CACNG3: variants seen among roughly 807,000 people sequenced by gnomAD.
CACNG3 encodes the protein voltage-dependent calcium channel gamma-3 subunit.
In CACNG3, 3 loss-of-function variants were observed where a neutral mutation model predicts 28.5. That is an observed-to-expected ratio of 0.11 (90% CI 0.05 to 0.27). The LOEUF is 0.27. CACNG3 is among the 10% of genes least tolerant of loss of function. CACNG3 has a pLI of 1.00. For missense variants in CACNG3, 236 were observed against 414.4 expected, an observed-to-expected ratio of 0.57 and a Z score of 3.74; for synonymous variants, 174 against 162.2, an observed-to-expected ratio of 1.07 and a Z score of -0.55.
intron 1 of CACNG3, among the ~76,000 whole-genome samples, chr16:24,265,350 GGAAA>G (rs3060119): frequency 1.3e-4 from 18 of 138,812 alleles, no homozygotes; most frequent in African/African-American, 1.9e-4. Context: ...GAAAGAAAAA[GGAAA>G]GAAAGAAAGA....
intron 1 of CACNG3, among the ~76,000 whole-genome samples, chr16:24,346,467 A>G (rs1308264644): frequency 6.6e-6 from 1 of 152,208 alleles, no homozygotes; most frequent in African/African-American, 2.4e-5. Context: ...AGTCCCAGCT[A>G]CTTGGGAGGC....
intron 3 of CACNG3, among the ~76,000 whole-genome samples, chr16:24,356,045 G>A (rs985492097): frequency 3.3e-5 from 5 of 152,174 alleles, no homozygotes; most frequent in African/African-American, 7.2e-5. Context: ...CTGGTGTCCT[G>A]TCTTCCTTGC....
intron 1 of CACNG3, among the ~76,000 whole-genome samples, chr16:24,335,375 G>A (rs915173833): frequency 1.4e-4 from 21 of 152,130 alleles, no homozygotes; most frequent in African/African-American, 3.9e-4. Context: ...AGCCAAGATC[G>A]CGCCACTGCA....
Position 24,306,255 on chromosome 16 carries a change from G to A in CACNG3, c.212-40479G>A, listed in dbSNP as rs112790135. On this transcript the variant is annotated intron_variant, in intron 1 of 3. Transcript: ENST00000005284. ...TTTGACTGCAGCTTATATTTAGCCC[G>A]TTGGAAGCTCAGGGTTTCTATTCTT... 2.1e-3 allele frequency among the ~76,000 whole-genome samples: 315 copies of A among 152,306 alleles called. 1 individual carries two copies. The highest frequency in any genetic ancestry group is 6.4e-3 in the African/African-American group (264 of 41,574).
At chr16:24,290,752 T>C (rs938680365) in intron 1 of CACNG3, among the ~76,000 whole-genome samples, 1 of 152,136 alleles carries the variant, frequency 6.6e-6, no homozygotes, top group African/African-American at 2.4e-5. Context: ...GGGTTGTTTT[T>C]TTAGAGTAAA....
intron 1 of CACNG3, among the ~76,000 whole-genome samples, chr16:24,329,659 C>G (rs978852948): frequency 2.0e-5 from 3 of 152,072 alleles, no homozygotes; most frequent in African/African-American, 7.2e-5. Flanking sequence ...ACATTAGGGT[C>G]AAAAATAATA....
intron 1 of CACNG3, among the ~76,000 whole-genome samples, chr16:24,282,192 G>T (rs1250575202): frequency 6.6e-6 from 1 of 152,198 alleles, no homozygotes. Context: ...GGAAATGGAG[G>T]TTCAGGTTGA....
chr16:24,326,433 A>C (rs995290719), intron 1 of CACNG3, among the ~76,000 whole-genome samples: 2 of 152,084 alleles, frequency 1.3e-5, no homozygotes, highest in Non-Finnish European at 2.9e-5. Context: ...GGCCTCCCAA[A>C]GTGCTGGGAT....
intron 1 of CACNG3, among the ~76,000 whole-genome samples, chr16:24,318,004 C>T (rs1899409944): frequency 2.0e-5 from 3 of 152,158 alleles, no homozygotes; most frequent in Admixed American, 6.5e-5. Context: ...AGCCCAGATG[C>T]CCCTTCTCTG....
At chr16:24,345,793 G>A (rs1005826919) in intron 1 of CACNG3, among the ~76,000 whole-genome samples, 2 of 152,190 alleles carry the variant, frequency 1.3e-5, no homozygotes, top group African/African-American at 4.8e-5. Flanking sequence ...CTCATAGCGA[G>A]GGAGATGAGC....
At chr16:24,337,191 C>G (rs1045253639) in intron 1 of CACNG3, among the ~76,000 whole-genome samples, 1 of 152,150 alleles carries the variant, frequency 6.6e-6, no homozygotes, top group African/African-American at 2.4e-5. Flanking sequence ...CAAGTAGTAA[C>G]TTAGTGGCTG....
intron 1 of CACNG3, among the ~76,000 whole-genome samples, chr16:24,344,631 G>A (rs1899836350): frequency 6.6e-6 from 1 of 152,072 alleles, no homozygotes. Context: ...TTTTTTCTAA[G>A]AATTTCCTTG....
chr16:24,301,043 C>CAA (rs71381659), intron 1 of CACNG3, among the ~76,000 whole-genome samples: 2,476 of 104,622 alleles, frequency 0.024, 93 homozygotes, highest in African/African-American at 0.07. Context: ...GGCTCCATCT[C>CAA]AAAAAAAAAA....
chr16:24,313,021 G>C (rs1899293879), intron 1 of CACNG3, among the ~76,000 whole-genome samples: 1 of 150,218 alleles, frequency 6.7e-6, no homozygotes, highest in Admixed American at 6.6e-5. Context: ...GAGAAAGAGA[G>C]AGAGGAAGGA....
chr16:24,263,076 A>T (rs1035625471), intron 1 of CACNG3, among the ~76,000 whole-genome samples: 6 of 152,218 alleles, frequency 3.9e-5, no homozygotes. Context: ...GTACAGATTG[A>T]GGCCTGGTTG....
At chr16:24,319,965 T>C (rs1267204276) in intron 1 of CACNG3, among the ~76,000 whole-genome samples, 1 of 152,066 alleles carries the variant, frequency 6.6e-6, no homozygotes, top group Admixed American at 6.6e-5. Flanking sequence ...GAGATGGGGT[T>C]TCACCATGTT....
rs762648569 is a variant in CACNG3, at chr16:24,256,811, C to T, written c.57C>T (p.Ala19=). 10 of 1,613,910 alleles carry T rather than the reference C, an allele frequency of 6.2e-6. No homozygotes were observed. The highest frequency in any genetic ancestry group is 1.7e-5 in the Admixed American group (1 of 60,010). ...TGATCACCACTGTAGGAGCCTTTGCCGCTTTTAGTTTAATGACCATTGCAG... is the reference window on the plus strand; with the variant it reads ...TGATCACCACTGTAGGAGCCTTTGCTGCTTTTAGTTTAATGACCATTGCAG... ...QMLITTVGAF[A]AFSLMTIAVG... is the part of the protein sequence containing the mutation. The change falls in exon 1 of 4, where the codon GCC becomes GCT. Residue 19 remains alanine, a synonymous_variant. Coordinates refer to ENST00000005284, the MANE Select transcript of CACNG3 (RefSeq NM_006539.4). This position sits in a 1 kb window ranked among gnomAD's most constrained non-coding sequence, Gnocchi z 4.6.
intron 1 of CACNG3, among the ~76,000 whole-genome samples, chr16:24,267,412 T>C (rs1321759033): frequency 6.6e-6 from 1 of 152,054 alleles, no homozygotes; most frequent in East Asian, 1.9e-4. Context: ...CACAGTCCCA[T>C]GAGTAGCTGC....
At chr16:24,303,701 T>C (rs1157347281) in intron 1 of CACNG3, among the ~76,000 whole-genome samples, 5 of 152,156 alleles carry the variant, frequency 3.3e-5, no homozygotes, top group African/African-American at 1.2e-4. Context: ...GTGGATCACC[T>C]GAGCTCAGGA....
Sources: allele counts gnomAD v4.1 joint callset (sites outside exome capture counted in the v4.1 genomes callset), GRCh38; gene constraint gnomAD v4.1.1; non-coding constraint Gnocchi (gnomAD v3.1); transcripts MANE v1.5; gene names NCBI Gene and HGNC (gene_info 2026-07-23, HGNC 2026-07-21).